KCNJ1: variants seen among roughly 807,000 people sequenced by gnomAD.
KCNJ1 encodes potassium inwardly rectifying channel subfamily J member 1.
Under a neutral mutation model 21.9 loss-of-function variants are expected in KCNJ1, and 24 were observed. The observed-to-expected ratio is 1.10, with a 90% CI of 0.79 to 1.54. The LOEUF (loss-of-function observed/expected upper bound fraction) is 1.54. Among genes scored for constraint, KCNJ1 ranks in the 40% most tolerant of loss-of-function variants. The pLI, the probability that KCNJ1 is intolerant of heterozygous loss-of-function variation, is 0.00. For synonymous variants in KCNJ1, 152 were observed against 160.9 expected, an observed-to-expected ratio of 0.94 and a Z score of 0.42; for missense variants, 457 against 455.4, an observed-to-expected ratio of 1.00 and a Z score of -0.03.
intron 1 of KCNJ1, among the ~76,000 whole-genome samples, chr11:128,856,785 A>G (rs1395723807): frequency 6.6e-6 from 1 of 151,868 alleles, no homozygotes; most frequent in African/African-American, 2.4e-5. Flanking sequence ...TCTACACAAT[A>G]TAGTCAGGAC....
At position 128,840,089 on chromosome 11, in the gene KCNJ1, G is replaced by A. The variant is rs373367600; in HGVS notation, c.155C>T (p.Thr52Met). Residue 52 changes from threonine (T) to methionine (M), a missense_variant, in exon 3 of 3, where the codon ACG (threonine) becomes ATG (methionine). Coordinates refer to ENST00000392666, the MANE Select transcript of KCNJ1 (RefSeq NM_153766.3). ...RFIFFVDIWT[T>M]VLDLKWRYKM... ...GTATCTCCACTTGAGGTCAAGTACC[G>A]TTGTCCAGATGTCCACAAAGAATAT... The A allele has an allele frequency of 2.5e-5, 41 of 1,614,006 alleles. No homozygotes were observed. The highest frequency in any genetic ancestry group is 1.3e-4 in the East Asian group (6 of 44,890).
chr11:128,843,847 A>G (rs1943332018), intron 2 of KCNJ1, among the ~76,000 whole-genome samples: 1 of 152,204 alleles, frequency 6.6e-6, no homozygotes, highest in Non-Finnish European at 1.5e-5. Context: ...GCTAGACATC[A>G]GAGAAGTAAT....
chr11:128,855,662 C>T (rs916712376), intron 1 of KCNJ1, among the ~76,000 whole-genome samples: 2 of 152,182 alleles, frequency 1.3e-5, no homozygotes, highest in Non-Finnish European at 1.5e-5. Context: ...TAAACCTGAA[C>T]GTTCTCCTCC....
At chr11:128,861,430 G>A (rs1943705478) in intron 1 of KCNJ1, among the ~76,000 whole-genome samples, 1 of 152,198 alleles carries the variant, frequency 6.6e-6, no homozygotes, top group African/African-American at 2.4e-5. Flanking sequence ...CAAGATGTGA[G>A]CAGCAGGGCT....
intron 2 of KCNJ1, among the ~76,000 whole-genome samples, chr11:128,847,172 C>A (rs1195143970): frequency 2.0e-5 from 3 of 152,176 alleles, no homozygotes; most frequent in Admixed American, 6.5e-5. Context: ...TAAGCCTCCC[C>A]CGCCGCATCA....
At chr11:128,854,549 G>A (rs1466705264) in intron 1 of KCNJ1, among the ~76,000 whole-genome samples, 2 of 152,092 alleles carry the variant, frequency 1.3e-5, no homozygotes, top group African/African-American at 4.8e-5. Context: ...GACTGGGATG[G>A]GGACCTTGCT....
chr11:128,856,207 G>A (rs1241501665), intron 1 of KCNJ1, among the ~76,000 whole-genome samples: 2 of 152,222 alleles, frequency 1.3e-5, no homozygotes, highest in African/African-American at 4.8e-5. Flanking sequence ...AGTGGTGAAA[G>A]GCTGTGGATC....
intron 2 of KCNJ1, among the ~76,000 whole-genome samples, chr11:128,843,437 T>C (rs911430104): frequency 1.3e-5 from 2 of 152,208 alleles, no homozygotes; most frequent in Non-Finnish European, 2.9e-5. Context: ...AACAAGCGGA[T>C]TACATTACTG....
chr11:128,855,122 G>A (rs571203328), intron 1 of KCNJ1, among the ~76,000 whole-genome samples: 5 of 152,302 alleles, frequency 3.3e-5, no homozygotes, highest in South Asian at 4.1e-4. Flanking sequence ...GCTAAGAAAC[G>A]TAAGGAGCAG....
chr11:128,848,471 T>C (rs576683125), intron 2 of KCNJ1, among the ~76,000 whole-genome samples: 6 of 152,206 alleles, frequency 3.9e-5, no homozygotes, highest in African/African-American at 1.4e-4. Flanking sequence ...AGATTACGGG[T>C]GTGAGCCACC....
intron 1 of KCNJ1, among the ~76,000 whole-genome samples, chr11:128,865,861 T>TA (rs370937743): frequency 6.0e-4 from 91 of 151,950 alleles, no homozygotes; most frequent in Admixed American, 1.3e-3. Context: ...CTTCTTATAT[T>TA]AAAAAAAATC....
chr11:128,857,621 A>C (rs1355997804), intron 1 of KCNJ1, among the ~76,000 whole-genome samples: 1 of 152,206 alleles, frequency 6.6e-6, no homozygotes, highest in Non-Finnish European at 1.5e-5. Flanking sequence ...GGGAGAGAGA[A>C]GCTATTTTTT....
chr11:128,846,402 G>C (rs1345461231), intron 2 of KCNJ1, among the ~76,000 whole-genome samples: 1 of 152,202 alleles, frequency 6.6e-6, no homozygotes, highest in African/African-American at 2.4e-5. Context: ...TAGCATGGCA[G>C]TTTAATCAGG....
chr11:128,844,769 G>A (rs771784256), intron 2 of KCNJ1, among the ~76,000 whole-genome samples: 1 of 152,072 alleles, frequency 6.6e-6, no homozygotes, highest in South Asian at 2.1e-4. Flanking sequence ...ATGTCAAAGA[G>A]GGGAAAGGGA....
At position 128,839,130 on chromosome 11, in the gene KCNJ1, T is replaced by C; in HGVS notation, c.1114A>G (p.Met372Val). ...CTCCCGTTGAAAAGCCACTGTTACA[T>C]TTTGGTGTCATCTGTTTCATTGACT... is the stretch of plus-strand genomic sequence containing the variant. ...SEVNETDDTK[M>V] is the part of the protein sequence containing the mutation. Residue 372 changes from methionine to valine, a missense_variant, in exon 3 of 3, where the codon ATG becomes GTG. By Grantham distance (21) the Met-to-Val change is conservative. Transcript: ENST00000392666. The C allele has an allele frequency of 6.2e-7, 1 of 1,613,264 alleles. No homozygotes were observed. Among genetic ancestry groups the C allele is most frequent in the East Asian group, 2.2e-5 (1 of 44,876 alleles).
chr11:128,855,150 A>ATT (rs1306908720), intron 1 of KCNJ1, among the ~76,000 whole-genome samples: 1 of 152,186 alleles, frequency 6.6e-6, no homozygotes, highest in Non-Finnish European at 1.5e-5. Context: ...CCTGGAGCTC[A>ATT]TTGTGAGCTG....
rs1943229491 is a variant in KCNJ1, at chr11:128,839,385, C to T, written c.859G>A (p.Ala287Thr). The T allele has an allele frequency of 1.2e-6, 2 of 1,614,052 alleles. No homozygotes were observed. Residue 287 changes from alanine (A) to threonine (T), a missense_variant, in exon 3 of 3, where the codon GCT becomes ACT. Physicochemically the swap from Ala to Thr is moderately conservative, Grantham distance 58. Coordinates refer to ENST00000392666, the MANE Select transcript of KCNJ1 (RefSeq NM_153766.3). ...FLDGTVESTS[A>T]TCQVRTSYVP... ...TAGGATGTCCGGACTTGGCAGGTAG[C>T]ACTGGTGGACTCCACTGTGCCATCT...
intron 1 of KCNJ1, among the ~76,000 whole-genome samples, chr11:128,865,636 C>T (rs1194219613): frequency 6.6e-6 from 1 of 152,050 alleles, no homozygotes; most frequent in Non-Finnish European, 1.5e-5. Flanking sequence ...GAGAGGGCAC[C>T]AGGAAGCCTT....
Position 128,839,902 on chromosome 11 carries a change from C to T in KCNJ1, c.342G>A (p.Leu114=), listed in dbSNP as rs1943250201. ...TGGTCACTTGAGTCTCCAGAGAAAACAGAAAAGCTGAGGTCAAGCCATTAA... is the reference window on the plus strand; with the variant it reads ...TGGTCACTTGAGTCTCCAGAGAAAATAGAAAAGCTGAGGTCAAGCCATTAA... The part of the protein sequence containing the change: ...ENINGLTSAF[L]FSLETQVTIG... The change falls in exon 3 of 3, where the codon CTG becomes CTA. Residue 114 remains leucine (L), a synonymous_variant. Transcript: ENST00000392666. 6.2e-7 allele frequency: 1 copy of T among 1,614,170 alleles called. No individual in the cohort carries two copies. Among genetic ancestry groups the T allele is most frequent in the Non-Finnish European group, 8.5e-7 (1 of 1,180,036 alleles).
Sources: allele counts gnomAD v4.1 joint callset (sites outside exome capture counted in the v4.1 genomes callset), GRCh38; gene constraint gnomAD v4.1.1; transcripts MANE v1.5; gene names NCBI Gene and HGNC (gene_info 2026-07-23, HGNC 2026-07-21).